The following RNF138 variants were observed in gnomAD, a reference collection of about 807,000 sequenced individuals.
The protein encoded by RNF138 is ring finger protein 138.
Under a neutral mutation model 31.0 loss-of-function variants are expected in RNF138, and 12 were observed. The ratio of observed to expected loss-of-function variants is 0.39; its 90% CI spans 0.25 to 0.63. The LOEUF (loss-of-function observed/expected upper bound fraction) is 0.63, where lower values mean the gene tolerates loss of function less well. Ranked by LOEUF, RNF138 falls within the 20% of genes least tolerant of loss-of-function variation. The probability of loss-of-function intolerance (pLI) is 0.52; values close to 1 mark genes in which losing one functional copy is unlikely to be tolerated. For synonymous variants in RNF138, 105 were observed against 99.5 expected (o/e 1.06, Z -0.33); for missense variants, 192 against 300.1 (o/e 0.64, Z 2.66).
At chr18:32,111,004 T>G (rs1050445843) in intron 2 of RNF138, among the ~76,000 whole-genome samples, 2 of 152,194 alleles carry the variant, frequency 1.3e-5, no homozygotes, top group Admixed American at 1.3e-4. Flanking sequence ...ATGGTCTTGA[T>G]CTCCTGACCA....
chr18:32,102,344 G>A (rs1300553302), intron 2 of RNF138, among the ~76,000 whole-genome samples: 1 of 151,374 alleles, frequency 6.6e-6, no homozygotes, highest in Non-Finnish European at 1.5e-5. Context: ...TGGGACTACA[G>A]GCGCCCGCCG....
chr18:32,108,135 G>A (rs1232972220), intron 2 of RNF138, among the ~76,000 whole-genome samples: 1 of 152,160 alleles, frequency 6.6e-6, no homozygotes, highest in South Asian at 2.1e-4. Context: ...GATTACAGGC[G>A]TAAGCCACCA....
chr18:32,093,512 T>C lies in RNF138; in HGVS notation c.110+626T>C, dbSNP rs2039747696. ...TGTGTTAGAGGGATCTAGAATGAGTTTTCTTCTCTGGTCTCTTAAAACTGA... is the reference window on the plus strand; with the variant it reads ...TGTGTTAGAGGGATCTAGAATGAGTCTTCTTCTCTGGTCTCTTAAAACTGA... On this transcript the variant is annotated intron_variant, in intron 2 of 7. Coordinates refer to ENST00000261593, the MANE Select transcript of RNF138 (RefSeq NM_016271.5). Among the ~76,000 whole-genome samples the C allele has an allele frequency of 2.0e-5, 3 of 152,324 alleles. No homozygotes were observed. The South Asian group carries it at 6.2e-4, about 32-fold the overall frequency.
intron 2 of RNF138, among the ~76,000 whole-genome samples, chr18:32,093,323 G>C (rs2039742258): frequency 6.6e-6 from 1 of 151,866 alleles, no homozygotes; most frequent in African/African-American, 2.4e-5. Flanking sequence ...AGCGGCCGGC[G>C]GTGCTCGCGC....
At chr18:32,111,618 T>G in intron 2 of RNF138, 136 bp from the exon 3 acceptor site, 2 of 694,340 alleles carry the variant, frequency 2.9e-6, no homozygotes, top group East Asian at 5.6e-5. Context: ...TTACTAAACT[T>G]CTGAGATTTA....
In RNF138 at chr18:32,092,834, G is replaced by A. The variant is rs762391892; in HGVS notation, c.58G>A (p.Val20Ile). ...SYTEDDFYCP[V>I]CQEVLKTPVR... ...CACCGAAGATGATTTCTACTGCCCC[G>A]TCTGTCAGGAGGTGCTCAAAACGCC... The change falls in exon 2 of 8, where the codon GTC (valine) becomes ATC (isoleucine). Residue 20 changes from valine to isoleucine, a missense_variant. By Grantham distance (29) the Val-to-Ile change is conservative. This residue lies in a region of RNF138 where 52 missense variants were observed against 48.4 expected (regional missense o/e 1.07). Coordinates refer to ENST00000261593, the MANE Select transcript of RNF138 (RefSeq NM_016271.5). 1 of 1,599,924 alleles carries A rather than the reference G, an allele frequency of 6.3e-7. No homozygotes were observed. The highest frequency in any genetic ancestry group is 8.5e-7 in the Non-Finnish European group (1 of 1,175,414).
At chr18:32,119,834 C>T (rs2040275480) in intron 4 of RNF138, among the ~76,000 whole-genome samples, 1 of 151,924 alleles carries the variant, frequency 6.6e-6, no homozygotes, top group South Asian at 2.1e-4. Context: ...AAAATGAGCC[C>T]CCTTTTTTTC....
At chr18:32,113,617 T>A (rs1286031174) in intron 3 of RNF138, 128 bp from the exon 4 acceptor site, 1 of 509,920 alleles carries the variant, frequency 2.0e-6, no homozygotes, top group Non-Finnish European at 3.4e-6. Flanking sequence ...TGAAATCATT[T>A]ACTTTAAAAA....
At position 32,118,839 on chromosome 18, in the gene RNF138, G is replaced by T. The variant is rs1166012722; in HGVS notation, c.393-4679G>T. Among the ~76,000 whole-genome samples the T allele has an allele frequency of 4.0e-5, 6 of 151,610 alleles. No individual in the cohort carries two copies. The East Asian group carries it at 1.2e-3, about 29-fold the overall frequency. ...AGCGAGACTCCGTCTCAAAAAAAAA[G>T]AAAATAATAATAATAATAATAATCC... On this transcript the variant is annotated intron_variant, in intron 4 of 7. Coordinates refer to ENST00000261593, the MANE Select transcript of RNF138 (RefSeq NM_016271.5).
At position 32,111,894 on chromosome 18, in the gene RNF138, G is replaced by A; in HGVS notation, c.251G>A (p.Gly84Asp). 6.2e-7 allele frequency: 1 copy of A among 1,613,008 alleles called. No individual in the cohort carries two copies. Among genetic ancestry groups the A allele is most frequent in the Non-Finnish European group, 8.5e-7 (1 of 1,179,626 alleles). The change falls in exon 3 of 8, where the codon GGT becomes GAT. Residue 84 changes from glycine to aspartate, a missense_variant. Physicochemically the swap from Gly to Asp is moderately conservative, Grantham distance 94. Transcript: ENST00000261593. ...DLENIMRKFS[G>D]SCRCCAKQIK... is the part of the protein sequence containing the mutation. ...GAAAATATAATGAGGAAGTTTTCTG[G>A]TAGCTGCAGATGCTGTGCAAAACAG...
At chr18:32,113,625 A>G (rs1347815013) in intron 3 of RNF138, 120 bp from the exon 4 acceptor site, 3 of 513,878 alleles carry the variant, frequency 5.8e-6, no homozygotes, top group African/African-American at 4.0e-5. Context: ...TTTACTTTAA[A>G]AAAATACAAC....
At chr18:32,114,535 C>A (rs759020311) in intron 4 of RNF138, among the ~76,000 whole-genome samples, 3 of 152,106 alleles carry the variant, frequency 2.0e-5, no homozygotes, top group Non-Finnish European at 4.4e-5. Flanking sequence ...GAGCTCCTGC[C>A]CATTTGAACC....
chr18:32,117,766 T>C (rs1381159907), intron 4 of RNF138, among the ~76,000 whole-genome samples: 3 of 152,196 alleles, frequency 2.0e-5, no homozygotes, highest in Admixed American at 2.0e-4. Context: ...TTAGCAAAAT[T>C]ATTGCATTGG....
chr18:32,122,490 G>A (rs2040322604), intron 4 of RNF138: 1 of 152,054 alleles, frequency 6.6e-6, no homozygotes, highest in Non-Finnish European at 1.5e-5. Context: ...TTATTACTGT[G>A]TTAAGATTTC....
At chr18:32,126,114 G>A (rs1450020682) in intron 6 of RNF138, among the ~76,000 whole-genome samples, 4 of 152,024 alleles carry the variant, frequency 2.6e-5, no homozygotes, top group African/African-American at 9.7e-5. Flanking sequence ...TAAGGATATG[G>A]CTGGGTGTGG....
chr18:32,098,187 C>G (rs749075433), intron 2 of RNF138, among the ~76,000 whole-genome samples: 8 of 151,456 alleles, frequency 5.3e-5, no homozygotes, highest in African/African-American at 9.7e-5. Context: ...AGGGTTTTAC[C>G]ATGTTGGCCA....
At chr18:32,108,819 C>T (rs553421211) in intron 2 of RNF138, among the ~76,000 whole-genome samples, 2 of 152,252 alleles carry the variant, frequency 1.3e-5, no homozygotes, top group South Asian at 2.1e-4. Flanking sequence ...CAGGCATGCA[C>T]CACCGTGCCC....
chr18:32,124,785 T>A lies in RNF138; in HGVS notation c.501T>A (p.Phe167Leu). Residue 167 changes from phenylalanine to leucine, a missense_variant, in exon 6 of 8, where the codon TTT becomes TTA. Physicochemically the swap from Phe to Leu is conservative, Grantham distance 22. This residue lies in a region of RNF138 where 140 missense variants were observed against 251.7 expected (regional missense o/e 0.56). Coordinates refer to ENST00000261593, the MANE Select transcript of RNF138 (RefSeq NM_016271.5). Reference sequence around the variant, plus strand: ...GTCCCCTGTGTCAAGAATCAAATTTTACCAGACAGCGTTTACTGGATCACT... The same window carrying A: ...GTCCCCTGTGTCAAGAATCAAATTTAACCAGACAGCGTTTACTGGATCACT... ...FKCPLCQESN[F>L]TRQRLLDHCN... 3.1e-6 allele frequency: 5 copies of A among 1,607,348 alleles called. No individual in the cohort carries two copies. The highest frequency in any genetic ancestry group is 4.3e-6 in the Non-Finnish European group (5 of 1,173,932).
chr18:32,118,548 A>G (rs1364783724), intron 4 of RNF138, among the ~76,000 whole-genome samples: 3 of 108,664 alleles, frequency 2.8e-5, no homozygotes, highest in Non-Finnish European at 5.8e-5. Context: ...AATAATAATA[A>G]TGCCGGGCGC....
Sources: gnomAD v4.1 joint callset for allele counts (sites outside exome capture counted in the v4.1 genomes callset) on GRCh38, gnomAD v4.1.1 for gene constraint, gnomAD v4.1.1 regional missense constraint, MANE v1.5 for transcripts, NCBI Gene and HGNC (gene_info 2026-07-23, HGNC 2026-07-21) for gene names.